Variants in MAF observed in about 807,000 individuals in gnomAD.
MAF encodes transcription factor Maf.
MAF carries 10 observed loss-of-function variants against 22.0 expected under a neutral mutation model. The ratio of observed to expected loss-of-function variants is 0.45; its 90% confidence interval spans 0.28 to 0.77. The LOEUF is 0.77. Ranked by LOEUF, MAF falls within the 30% of genes least tolerant of loss-of-function variation. MAF has a pLI of 0.12. For synonymous variants in MAF, 337 were observed against 255.8 expected, an observed-to-expected ratio of 1.32 and a Z score of -3.03; for missense variants, 544 against 548.4, an observed-to-expected ratio of 0.99 and a Z score of 0.08.
At chr16:79,546,355 A>G in the MAF span, among the ~76,000 whole-genome samples, 12 of 152,284 alleles carry the variant, frequency 7.9e-5, no homozygotes, top group East Asian at 2.1e-3. Context: ...GTTTTAGGGA[A>G]TAAACTTTCC....
At chr16:79,567,726 C>T in the MAF span, among the ~76,000 whole-genome samples, 1 of 152,212 alleles carries the variant, frequency 6.6e-6, no homozygotes, top group Non-Finnish European at 1.5e-5. Context: ...CAGTGATCTG[C>T]ATTTCCAATA....
chr16:79,248,175 T>A, the MAF span, among the ~76,000 whole-genome samples: 1 of 148,704 alleles, frequency 6.7e-6, no homozygotes, highest in Non-Finnish European at 1.5e-5. Context: ...TTACTTTTTT[T>A]TTTTTTTAAA....
chr16:79,259,244 G>A, the MAF span, among the ~76,000 whole-genome samples: 1 of 152,082 alleles, frequency 6.6e-6, no homozygotes, highest in African/African-American at 2.4e-5. Flanking sequence ...GTCTGCTCCT[G>A]GGATGCCCAC....
the MAF span, among the ~76,000 whole-genome samples, chr16:79,522,156 G>A: frequency 6.6e-6 from 1 of 152,200 alleles, no homozygotes; most frequent in African/African-American, 2.4e-5. Flanking sequence ...TCTTGCTCAA[G>A]AACACACAGC....
chr16:79,300,175 T>C, the MAF span, among the ~76,000 whole-genome samples: 1 of 152,262 alleles, frequency 6.6e-6, no homozygotes, highest in African/African-American at 2.4e-5. Flanking sequence ...TGATTGTTTC[T>C]AAGCTAGATA....
the MAF span, among the ~76,000 whole-genome samples, chr16:79,477,654 A>G: frequency 1.3e-5 from 2 of 152,238 alleles, no homozygotes; most frequent in African/African-American, 2.4e-5. Context: ...TTATCCATGT[A>G]TTCGTATCTT....
Position 79,600,352 on chromosome 16 carries a change from A to T in MAF, c.-450T>A, listed in dbSNP as rs1410850899. On this transcript the variant is annotated 5_prime_UTR_variant, in exon 1 of 2. Transcript: ENST00000326043. ...GGCTCGCCTCGCCGGCCCGGGCTGC[A>T]GGCAGGGCGCGCGCGGCGTCCGCTC... The T allele has an allele frequency of 5.0e-6, 1 of 198,596 alleles. No homozygotes were observed. Among genetic ancestry groups the T allele is most frequent in the African/African-American group, 2.4e-5 (1 of 42,490 alleles). 12.3% of individuals were successfully genotyped at this position (198,596 alleles called of 1,614,324 possible).
At chr16:79,379,468 CAGA>C in the MAF span, among the ~76,000 whole-genome samples, 8 of 151,354 alleles carry the variant, frequency 5.3e-5, no homozygotes, top group African/African-American at 1.9e-4. Flanking sequence ...GACGTAGGAG[CAGA>C]AGTAGTACGG....
the MAF span, among the ~76,000 whole-genome samples, chr16:79,517,328 C>T: frequency 5.5e-3 from 833 of 152,374 alleles, 7 homozygotes; most frequent in African/African-American, 0.019. Context: ...AATAATAAGA[C>T]AGACAGACAT....
the MAF span, among the ~76,000 whole-genome samples, chr16:79,337,598 C>G: frequency 1.2e-4 from 13 of 110,528 alleles, no homozygotes; most frequent in Non-Finnish European, 2.4e-4. Context: ...AGACAGCATA[C>G]CATTTGCAAG....
the MAF span, among the ~76,000 whole-genome samples, chr16:79,465,548 C>T: frequency 2.0e-5 from 3 of 152,082 alleles, no homozygotes; most frequent in South Asian, 2.1e-4. Flanking sequence ...GCCGTGATCC[C>T]GTGATCGCAC....
At chr16:79,254,500 TA>T in the MAF span, among the ~76,000 whole-genome samples, 4 of 152,242 alleles carry the variant, frequency 2.6e-5, no homozygotes, top group African/African-American at 7.2e-5. Context: ...ACATGATTTT[TA>T]TTATATCTTA....
the MAF span, among the ~76,000 whole-genome samples, chr16:79,529,268 T>C: frequency 6.6e-5 from 10 of 152,180 alleles, no homozygotes; most frequent in Admixed American, 3.3e-4. Context: ...AGATTATACT[T>C]TGGAGTCAGA....
At chr16:79,576,259 A>G in the MAF span, among the ~76,000 whole-genome samples, 1 of 146,292 alleles carries the variant, frequency 6.8e-6, no homozygotes, top group South Asian at 2.2e-4. Flanking sequence ...AAAAAAAAAA[A>G]GGACCAGTAC....
At chr16:79,502,715 ATATATATATAT>A in the MAF span, among the ~76,000 whole-genome samples, 536 of 41,108 alleles carry the variant, frequency 0.013, 3 homozygotes, top group Non-Finnish European at 0.027. Flanking sequence ...ATAAATATAT[ATATATATATAT>A]ATATATATAT....
At chr16:79,554,861 T>A in the MAF span, among the ~76,000 whole-genome samples, 1 of 152,140 alleles carries the variant, frequency 6.6e-6, no homozygotes, top group African/African-American at 2.4e-5. Flanking sequence ...TTCTGCGTGA[T>A]TTTTCCTGTT....
the MAF span, among the ~76,000 whole-genome samples, chr16:79,400,734 A>ATACCC: frequency 6.6e-6 from 1 of 152,274 alleles, no homozygotes; most frequent in African/African-American, 2.4e-5. Flanking sequence ...TAGAGACCCT[A>ATACCC]TACCCGGAGG....
the MAF span, among the ~76,000 whole-genome samples, chr16:79,376,310 A>T: frequency 5.3e-5 from 8 of 152,018 alleles, no homozygotes; most frequent in African/African-American, 1.7e-4. Context: ...ATTTCTTGAA[A>T]CTTCTTTGCT....
chr16:79,412,847 G>C, the MAF span, among the ~76,000 whole-genome samples: 1 of 152,186 alleles, frequency 6.6e-6, no homozygotes, highest in Non-Finnish European at 1.5e-5. Context: ...GAGATAATAT[G>C]GGAGGAGGTG....
Sources: gnomAD v4.1 joint callset for allele counts (sites outside exome capture counted in the v4.1 genomes callset) on GRCh38, gnomAD v4.1.1 for gene constraint, MANE v1.5 for transcripts, NCBI Gene and HGNC (gene_info 2026-07-23, HGNC 2026-07-21) for gene names.